Variants in SLC39A11 observed in about 807,000 individuals in gnomAD.
SLC39A11 encodes the protein solute carrier family 39 member 11.
SLC39A11 carries 33 observed loss-of-function variants against 36.1 expected under a neutral mutation model. The ratio of observed to expected loss-of-function variants is 0.91; its 90% CI spans 0.69 to 1.22. The LOEUF is 1.22. Among genes scored for constraint, SLC39A11 ranks in the 50% most tolerant of loss-of-function variants. The pLI, the probability that SLC39A11 is intolerant of heterozygous loss-of-function variation, is 0.00. For missense variants in SLC39A11, 432 were observed against 430.3 expected, an observed-to-expected ratio of 1.00 and a Z score of -0.03; for synonymous variants, 166 against 170.3, an observed-to-expected ratio of 0.97 and a Z score of 0.20.
chr17:72,684,199 G>A lies in SLC39A11; in HGVS notation c.672-34931C>T, dbSNP rs557091027. On this transcript the variant is annotated intron_variant, in intron 7 of 9. Coordinates refer to ENST00000255559, the MANE Select transcript of SLC39A11 (RefSeq NM_139177.4). ...TCATGAGTCAAGAGACTGGGTTCCC[G>A]TAACCCACTCCCTTGCCCGGAGGCA... Among the ~76,000 whole-genome samples the A allele has an allele frequency of 8.1e-4, 124 of 152,196 alleles. 1 individual carries two copies. Among genetic ancestry groups the A allele is most frequent in the African/African-American group, 2.8e-3 (115 of 41,524 alleles).
intron 5 of SLC39A11, among the ~76,000 whole-genome samples, chr17:72,870,701 C>T (rs562566781): frequency 5.9e-5 from 9 of 152,354 alleles, no homozygotes; most frequent in African/African-American, 1.7e-4. Flanking sequence ...AATGTTGCTA[C>T]GGATTTGCCT....
At chr17:72,830,679 A>G (rs915588012) in intron 6 of SLC39A11, among the ~76,000 whole-genome samples, 1 of 152,100 alleles carries the variant, frequency 6.6e-6, no homozygotes, top group Non-Finnish European at 1.5e-5. Flanking sequence ...GACTAAACAA[A>G]TCAGGGCAGA....
chr17:72,978,780 C>T (rs1052400300), intron 4 of SLC39A11, among the ~76,000 whole-genome samples: 26 of 151,988 alleles, frequency 1.7e-4, no homozygotes, highest in Non-Finnish European at 8.8e-5. Context: ...TGGAAAGGTG[C>T]CAACAGCACT....
Position 72,688,627 on chromosome 17 carries a change from C to T in SLC39A11, c.672-39359G>A, listed in dbSNP as rs577348313. 6.6e-5 allele frequency among the ~76,000 whole-genome samples: 10 copies of T among 152,318 alleles called. No individual in the cohort carries two copies. The South Asian group carries it at 2.1e-3, about 32-fold the overall frequency. ...GGAGATCCTTAGGGCATGAGCAGTT[C>T]ACATATACTTTTCACAGTAGTTTCC... is the stretch of plus-strand genomic sequence containing the variant. On this transcript the variant is annotated intron_variant, in intron 7 of 9. Coordinates refer to ENST00000255559, the MANE Select transcript of SLC39A11 (RefSeq NM_139177.4).
At chr17:72,858,636 T>C (rs554959234) in intron 5 of SLC39A11, among the ~76,000 whole-genome samples, 1 of 152,228 alleles carries the variant, frequency 6.6e-6, no homozygotes, top group South Asian at 2.1e-4. Flanking sequence ...CATTTGTTTG[T>C]ATCATCTCTG....
chr17:72,973,635 T>G (rs1281182889), intron 4 of SLC39A11, among the ~76,000 whole-genome samples: 1 of 152,052 alleles, frequency 6.6e-6, no homozygotes, highest in East Asian at 1.9e-4. Flanking sequence ...CACAGCTCAC[T>G]GCAGCCTCGA....
At chr17:72,939,644 T>C (rs902265725) in intron 5 of SLC39A11, among the ~76,000 whole-genome samples, 2 of 152,072 alleles carry the variant, frequency 1.3e-5, no homozygotes, top group African/African-American at 4.8e-5. Flanking sequence ...GGTCACAATG[T>C]GGGCAGAGAT....
intron 6 of SLC39A11, among the ~76,000 whole-genome samples, chr17:72,811,495 G>T (rs995544008): frequency 6.6e-6 from 1 of 152,150 alleles, no homozygotes; most frequent in Non-Finnish European, 1.5e-5. Flanking sequence ...AAATCCACCT[G>T]GATCTCAGAA....
At chr17:72,734,783 G>A (rs528371264) in intron 7 of SLC39A11, among the ~76,000 whole-genome samples, 7 of 152,308 alleles carry the variant, frequency 4.6e-5, no homozygotes, top group African/African-American at 1.4e-4. Flanking sequence ...GTCACTTGCT[G>A]GGCACAGACC....
chr17:73,015,076 C>G (rs916432185), intron 4 of SLC39A11, among the ~76,000 whole-genome samples: 3 of 152,224 alleles, frequency 2.0e-5, no homozygotes, highest in Non-Finnish European at 2.9e-5. Context: ...CCACGCCCAT[C>G]TATCCCTCCC....
Position 72,693,689 on chromosome 17 carries a change from T to C in SLC39A11, c.671+42961A>G, listed in dbSNP as rs368786456. Among the ~76,000 whole-genome samples, 7 of 152,122 alleles carry C rather than the reference T, an allele frequency of 4.6e-5. No homozygotes were observed. The South Asian group carries it at 1.5e-3, about 32-fold the overall frequency. On this transcript the variant is annotated intron_variant, in intron 7 of 9. Transcript: ENST00000255559. ...CACAATCAACTTCCTGGAGGACAAA[T>C]GGCCATGCCACTCCTCAATCTGGAG...
intron 7 of SLC39A11, among the ~76,000 whole-genome samples, chr17:72,660,876 C>A (rs7208843): frequency 6.6e-6 from 1 of 152,052 alleles, no homozygotes; most frequent in Non-Finnish European, 1.5e-5. Flanking sequence ...ACAACCAAAA[C>A]GTCTCCAGAC....
At chr17:72,898,286 G>A (rs1423635662) in intron 5 of SLC39A11, among the ~76,000 whole-genome samples, 1 of 152,188 alleles carries the variant, frequency 6.6e-6, no homozygotes, top group Non-Finnish European at 1.5e-5. Context: ...CTCCTCAAGG[G>A]GCTGGAGCAT....
chr17:72,714,148 G>C (rs1008802638), intron 7 of SLC39A11, among the ~76,000 whole-genome samples: 1 of 152,176 alleles, frequency 6.6e-6, no homozygotes, highest in Admixed American at 6.5e-5. Flanking sequence ...CTGAAGTCAG[G>C]AGTTCGAGAC....
chr17:72,742,001 A>T (rs2074727818), intron 6 of SLC39A11, among the ~76,000 whole-genome samples: 1 of 152,178 alleles, frequency 6.6e-6, no homozygotes, highest in Admixed American at 6.5e-5. Flanking sequence ...CAGGAGCTCA[A>T]GATTAGCCTG....
intron 3 of SLC39A11, among the ~76,000 whole-genome samples, chr17:73,082,369 G>T (rs750458591): frequency 6.6e-6 from 1 of 151,776 alleles, no homozygotes; most frequent in East Asian, 1.9e-4. Flanking sequence ...TAGTGAATGG[G>T]GCTTTATTCT....
At chr17:72,665,363 TGG>T in intron 7 of SLC39A11, among the ~76,000 whole-genome samples, 2 of 148,416 alleles carry the variant, frequency 1.3e-5, no homozygotes, top group African/African-American at 4.9e-5. Context: ...TAATCTTTGT[TGG>T]TTTAAGCCAC....
At chr17:72,996,999 C>T (rs1205420318) in intron 4 of SLC39A11, among the ~76,000 whole-genome samples, 4 of 152,166 alleles carry the variant, frequency 2.6e-5, no homozygotes, top group Admixed American at 6.5e-5. Context: ...ACCCTCCCCA[C>T]GACCATCTGC....
intron 5 of SLC39A11, among the ~76,000 whole-genome samples, chr17:72,901,715 G>A (rs1598346887): frequency 6.6e-6 from 1 of 152,232 alleles, no homozygotes; most frequent in East Asian, 1.9e-4. Context: ...AAACACCAGT[G>A]GCAGTGAGTT....
Sources: allele counts gnomAD v4.1 joint callset (sites outside exome capture counted in the v4.1 genomes callset), GRCh38; gene constraint gnomAD v4.1.1; transcripts MANE v1.5; gene names NCBI Gene and HGNC (gene_info 2026-07-23, HGNC 2026-07-21).